Variants in VWA8 observed in about 807,000 individuals in gnomAD.
The protein encoded by VWA8 is von Willebrand factor A domain-containing protein 8.
VWA8 carries 221 observed loss-of-function variants against 241.5 expected under a neutral mutation model. That is an observed-to-expected ratio of 0.91 (90% CI 0.82 to 1.02). The LOEUF (loss-of-function observed/expected upper bound fraction) is 1.02. Ranked by LOEUF, VWA8 falls within the 50% of genes least tolerant of loss-of-function variation. The pLI, the probability that VWA8 is intolerant of heterozygous loss-of-function variation, is 0.00. For synonymous variants in VWA8, 852 were observed against 827.1 expected (o/e 1.03, Z -0.52); for missense variants, 2,322 against 2,328.7 (o/e 1.00, Z 0.06).
At chr13:41,791,123 T>TAA (rs1566458959) in intron 17 of VWA8, among the ~76,000 whole-genome samples, 2 of 148,332 alleles carry the variant, frequency 1.3e-5, no homozygotes, top group African/African-American at 4.9e-5. Context: ...AGTTTTTTTT[T>TAA]TAAAAAAACA....
In VWA8 at chr13:41,589,080, T is replaced by C. The variant is rs142486878; in HGVS notation, c.5113-1410A>G. On this transcript the variant is annotated intron_variant, in intron 41 of 44. Transcript: ENST00000379310. ...TCTCTAAATAAATATTTAAAAGGAG[T>C]GACTCTCCCTTCCCCCTACCAGTCA... Among the ~76,000 whole-genome samples, 21 of 151,968 alleles carry C rather than the reference T, an allele frequency of 1.4e-4. 1 individual carries two copies. The highest frequency in any genetic ancestry group is 4.8e-4 in the African/African-American group (20 of 41,440).
In VWA8 at chr13:41,592,115, A is replaced by T. The variant is rs9525531; in HGVS notation, c.4987-1350T>A. Reference sequence around the variant, plus strand: ...GATTAAGAAAATGTGGCACATATACACCATGGAATACTATGCAGCCATAAA... The same window carrying T: ...GATTAAGAAAATGTGGCACATATACTCCATGGAATACTATGCAGCCATAAA... On this transcript the variant is annotated intron_variant, in intron 40 of 44. Transcript: ENST00000379310. Among the ~76,000 whole-genome samples the T allele has an allele frequency of 2.8e-5, 4 of 145,068 alleles. No homozygotes were observed. In the Middle Eastern group the frequency reaches 0.011, roughly 383 times the overall value.
At chr13:41,596,502 A>C (rs1287864167) in intron 40 of VWA8, among the ~76,000 whole-genome samples, 1 of 152,078 alleles carries the variant, frequency 6.6e-6, no homozygotes, top group Non-Finnish European at 1.5e-5. Context: ...TTTTGTTTAT[A>C]ATAAAAGGCC....
Position 41,868,819 on chromosome 13 carries a change from T to C in VWA8, c.1081-342A>G, listed in dbSNP as rs1177591. On this transcript the variant is annotated intron_variant, in intron 9 of 44. Coordinates refer to ENST00000379310, the MANE Select transcript of VWA8 (RefSeq NM_015058.2). The stretch of plus-strand genomic sequence containing the variant: ...AAGAGAATGGCGTGAACCCGGGAGG[T>C]GGAGCTTGCAGTGAGCCGAGATCGC... Among the ~76,000 whole-genome samples the C allele has an allele frequency of 2.4e-5, 3 of 127,152 alleles. No homozygotes were observed. In the South Asian group the frequency reaches 7.1e-4, roughly 30 times the overall value. The allele number at this position is 127,152 out of a possible 152,430, so 83.4% of individuals were successfully genotyped here. A position where few individuals can be genotyped will look rare whatever the true frequency, so the allele number is the denominator to read the frequency against.
chr13:41,727,348 T>C (rs1317250742), intron 23 of VWA8, 35 bp from the exon 24 acceptor site: 1 of 1,273,138 alleles, frequency 7.9e-7, no homozygotes, highest in Non-Finnish European at 1.1e-6. Context: ...TTTATCAATA[T>C]TTAATAATTC....
intron 2 of VWA8, among the ~76,000 whole-genome samples, chr13:41,919,492 A>C (rs1312234502): frequency 6.6e-6 from 1 of 152,096 alleles, no homozygotes; most frequent in East Asian, 1.9e-4. Context: ...GCTCCAGTGC[A>C]TCCTGTTCCA....
chr13:41,901,021 T>G (rs1361833445), intron 4 of VWA8, among the ~76,000 whole-genome samples: 3 of 152,126 alleles, frequency 2.0e-5, no homozygotes, highest in Non-Finnish European at 4.4e-5. Flanking sequence ...ATCAGATAAC[T>G]TTGGGCACAC....
intron 35 of VWA8, among the ~76,000 whole-genome samples, chr13:41,675,689 T>G (rs2045055800): frequency 6.6e-6 from 1 of 152,188 alleles, no homozygotes; most frequent in African/African-American, 2.4e-5. Context: ...TAGGAAGTCC[T>G]GCTCCTGTCC....
chr13:41,656,489 G>A (rs2044906939), intron 37 of VWA8, among the ~76,000 whole-genome samples: 1 of 152,102 alleles, frequency 6.6e-6, no homozygotes, highest in South Asian at 2.1e-4. Context: ...ACACTGTCAA[G>A]GAAGACTTGA....
Position 41,961,049 on chromosome 13 carries a change from G to C in VWA8, c.-34C>G. 4 of 1,355,566 alleles carry C rather than the reference G, an allele frequency of 3.0e-6. No homozygotes were observed. Among genetic ancestry groups the C allele is most frequent in the Non-Finnish European group, 3.8e-6 (4 of 1,060,262 alleles). 84.0% of individuals were successfully genotyped at this position (1,355,566 alleles called of 1,614,324 possible). ...GGGGGCTGTCGGGGACGGCGAGGGGGCTCGGGGATCGAGCGGCGTCCCGTG... is the reference window on the plus strand; with the variant it reads ...GGGGGCTGTCGGGGACGGCGAGGGGCCTCGGGGATCGAGCGGCGTCCCGTG... On this transcript the variant is annotated 5_prime_UTR_variant, in exon 1 of 45. Coordinates refer to ENST00000379310, the MANE Select transcript of VWA8 (RefSeq NM_015058.2).
intron 37 of VWA8, among the ~76,000 whole-genome samples, chr13:41,668,041 C>T (rs2044997872): frequency 6.6e-6 from 1 of 152,132 alleles, no homozygotes; most frequent in African/African-American, 2.4e-5. Context: ...TCAACAATGG[C>T]AAAGCTAATA....
At chr13:41,585,384 T>A (rs961740762) in intron 42 of VWA8, among the ~76,000 whole-genome samples, 1 of 152,110 alleles carries the variant, frequency 6.6e-6, no homozygotes. Flanking sequence ...GGGAGCTGTG[T>A]CAACCAATTT....
chr13:41,816,817 C>T lies in VWA8; in HGVS notation c.1870-42G>A, dbSNP rs762885462. ...TTGAGGACAAACAGAAGGAATAAAT[C>T]GGGATATCTGATCAATCAATCAGAA... On this transcript the variant is annotated intron_variant, in intron 15 of 44. Transcript: ENST00000379310. 3.8e-5 allele frequency: 54 copies of T among 1,427,914 alleles called. 1 individual carries two copies. The highest frequency in any genetic ancestry group is 3.5e-4 in the Middle Eastern group (2 of 5,682). 88.5% of individuals were successfully genotyped at this position (1,427,914 alleles called of 1,614,324 possible).
chr13:41,837,075 AG>A (rs1871773360), intron 12 of VWA8, among the ~76,000 whole-genome samples: 1 of 151,350 alleles, frequency 6.6e-6, no homozygotes, highest in African/African-American at 2.4e-5. Context: ...ATAGATAGAT[AG>A]ATAGAGATTT....
chr13:41,905,304 A>G (rs965678512), intron 4 of VWA8: 2 of 152,040 alleles, frequency 1.3e-5, no homozygotes. Context: ...CCTCTTGGCT[A>G]CAAGAGAGAA....
chr13:41,911,916 G>A (rs1593864125), intron 3 of VWA8, 122 bp downstream of exon 3: 1 of 1,143,494 alleles, frequency 8.7e-7, no homozygotes, highest in Non-Finnish European at 1.1e-6. Flanking sequence ...ATCACCCTTT[G>A]ATGTCAGCAT....
At position 41,699,162 on chromosome 13, in the gene VWA8, G is replaced by A; in HGVS notation, c.3473C>T (p.Pro1158Leu). Residue 1158 changes from proline to leucine, a missense_variant, in exon 29 of 45, where the codon CCA (proline) becomes CTA (leucine). Physicochemically the swap from Pro to Leu is moderately conservative, Grantham distance 98. Coordinates refer to ENST00000379310, the MANE Select transcript of VWA8 (RefSeq NM_015058.2). Reference sequence around the variant, plus strand: ...GTGCCAAACGCCATTGGCTGTTCTTGGGAAGATATCAAAAAAGTCCACAAA... The same window carrying A: ...GTGCCAAACGCCATTGGCTGTTCTTAGGAAGATATCAAAAAAGTCCACAAA... ...GFFVDFFDIFPRTANGVWHPF... is the reference protein window; with the variant it reads ...GFFVDFFDIFLRTANGVWHPF... The A allele has an allele frequency of 6.2e-7, 1 of 1,614,082 alleles. No individual in the cohort carries two copies. The highest frequency in any genetic ancestry group is 1.7e-5 in the Admixed American group (1 of 60,010).
At chr13:41,732,794 C>T (rs2045495039) in intron 21 of VWA8, among the ~76,000 whole-genome samples, 1 of 152,128 alleles carries the variant, frequency 6.6e-6, no homozygotes. Context: ...AAAATATTAA[C>T]AGTTGGCTAT....
chr13:41,896,179 C>A (rs1875099458), intron 4 of VWA8, among the ~76,000 whole-genome samples: 2 of 152,050 alleles, frequency 1.3e-5, no homozygotes. Flanking sequence ...TTTGATATAA[C>A]TCTCTCGCAC....
Sources: gnomAD v4.1 joint callset for allele counts (sites outside exome capture counted in the v4.1 genomes callset) on GRCh38, gnomAD v4.1.1 for gene constraint, MANE v1.5 for transcripts, NCBI Gene and HGNC (gene_info 2026-07-23, HGNC 2026-07-21) for gene names.